The following NAP1L4 variants were observed in gnomAD, a reference collection of about 807,000 sequenced individuals.
NAP1L4 encodes nucleosome assembly protein 1-like 4.
NAP1L4 carries 15 observed loss-of-function variants against 58.2 expected under a neutral mutation model. The ratio of observed to expected loss-of-function variants is 0.26; its 90% CI spans 0.17 to 0.40. The LOEUF (loss-of-function observed/expected upper bound fraction) is 0.40, where lower values mean the gene tolerates loss of function less well. Ranked by LOEUF, NAP1L4 falls within the 10% of genes least tolerant of loss-of-function variation. NAP1L4 has a pLI of 1.00. For synonymous variants in NAP1L4, 171 were observed against 155.6 expected (o/e 1.10, Z -0.74); for missense variants, 384 against 451.1 (o/e 0.85, Z 1.35).
intron 6 of NAP1L4, 140 bp from the exon 7 acceptor site, chr11:2,970,074 C>T (rs1232617933): frequency 5.2e-6 from 4 of 763,974 alleles, no homozygotes; most frequent in Non-Finnish European, 5.9e-6. Context: ...CCAAACCACT[C>T]ACTGGGCCAC....
chr11:2,972,163 T>C lies in NAP1L4; in HGVS notation c.254A>G (p.Tyr85Cys), dbSNP rs1460199244. The C allele has an allele frequency of 6.2e-7, 1 of 1,607,982 alleles. No individual in the cohort carries two copies. The highest frequency in any genetic ancestry group is 8.5e-7 in the Non-Finnish European group (1 of 1,178,322). Residue 85 changes from tyrosine (Y) to cysteine (C), a missense_variant, in exon 5 of 16, where the codon TAT becomes TGT. Physicochemically the swap from Tyr to Cys is radical, Grantham distance 194 (BLOSUM62 -2). Coordinates refer to ENST00000380542, the MANE Select transcript of NAP1L4 (RefSeq NM_005969.4). The part of the protein sequence containing the change: ...VRCAHIEAKF[Y>C]EEVHDLERKY... The stretch of plus-strand genomic sequence containing the variant: ...TCTTTCCAAGTCATGTACCTCTTCA[T>C]AGAACTTGGCTTCTATGTGAGCACA...
intron 15 of NAP1L4, among the ~76,000 whole-genome samples, chr11:2,947,360 C>G (rs1273980628): frequency 6.6e-6 from 1 of 152,234 alleles, no homozygotes; most frequent in Non-Finnish European, 1.5e-5. Flanking sequence ...CCGCATAGAA[C>G]ACTCTCTCAA....
intron 1 of NAP1L4, chr11:2,990,854 G>A (rs1848919884): frequency 2.3e-5 from 7 of 308,008 alleles, no homozygotes; most frequent in South Asian, 1.6e-4. Flanking sequence ...GCAGGTATTA[G>A]TCATTTAGAG....
At chr11:2,988,689 C>A (rs1295262951) in intron 1 of NAP1L4, among the ~76,000 whole-genome samples, 1 of 152,172 alleles carries the variant, frequency 6.6e-6, no homozygotes, top group Non-Finnish European at 1.5e-5. Context: ...ACAGGCTTTT[C>A]CAGATAATGC....
chr11:2,969,783 C>T lies in NAP1L4; in HGVS notation c.534+20G>A, dbSNP rs1172436712. The T allele has an allele frequency of 1.9e-6, 3 of 1,600,088 alleles. No individual in the cohort carries two copies. Among genetic ancestry groups the T allele is most frequent in the African/African-American group, 1.3e-5 (1 of 74,288 alleles). ...AGAAGACTAGCACATAATCTCTCTA[C>T]AAGACAGAAGTGTGCTTACCTGGAC... On this transcript the variant is annotated intron_variant, in intron 7 of 15. Transcript: ENST00000380542.
chr11:2,956,326 G>T (rs909909318), intron 10 of NAP1L4, among the ~76,000 whole-genome samples: 2 of 152,128 alleles, frequency 1.3e-5, no homozygotes, highest in Non-Finnish European at 2.9e-5. Context: ...GCTCAGACGA[G>T]CTAAGCCCAC....
intron 3 of NAP1L4, among the ~76,000 whole-genome samples, chr11:2,978,009 G>GAA (rs1848068179): frequency 6.6e-6 from 1 of 151,930 alleles, no homozygotes; most frequent in South Asian, 2.1e-4. Context: ...TCAAAAATAA[G>GAA]AAAAAAGACT....
Position 2,973,711 on chromosome 11 carries a change from G to A in NAP1L4, c.174-1468C>T, listed in dbSNP as rs80035257. The stretch of plus-strand genomic sequence containing the variant: ...GATGAAAAAAAGGGAAAAGCAGAAA[G>A]AATTTAACAAAATGGTAGACTCCCA... On this transcript the variant is annotated intron_variant, in intron 4 of 15. Coordinates refer to ENST00000380542, the MANE Select transcript of NAP1L4 (RefSeq NM_005969.4). Among the ~76,000 whole-genome samples the A allele has an allele frequency of 4.4e-3, 669 of 152,246 alleles. 2 individuals are homozygous for A. The highest frequency in any genetic ancestry group is 0.015 in the African/African-American group (636 of 41,548).
Position 2,951,204 on chromosome 11 carries a change from A to C in NAP1L4, c.1122+55T>G. 7.2e-7 allele frequency: 1 copy of C among 1,392,600 alleles called. No individual in the cohort carries two copies. Among genetic ancestry groups the C allele is most frequent in the East Asian group, 2.3e-5 (1 of 43,498 alleles). 86.3% of individuals were successfully genotyped at this position (1,392,600 alleles called of 1,614,324 possible). ...TGCCTCAAAGTGGGGAACATTTTTAAAAGTCTAAGAGTGCAGCATAATAAG... is the reference window on the plus strand; with the variant it reads ...TGCCTCAAAGTGGGGAACATTTTTACAAGTCTAAGAGTGCAGCATAATAAG... On this transcript the variant is annotated intron_variant, in intron 14 of 15. Coordinates refer to ENST00000380542, the MANE Select transcript of NAP1L4 (RefSeq NM_005969.4). This position sits in a 1 kb window ranked among gnomAD's most constrained non-coding sequence, Gnocchi z 4.0.
At position 2,954,092 on chromosome 11, in the gene NAP1L4, T is replaced by C. The variant is rs1846387105; in HGVS notation, c.1035+435A>G. ...AGCACGGGTTTCTTTTTTTTCCTTT[T>C]TACCTAATTAGATAGAAGTTCAGGA... On this transcript the variant is annotated intron_variant, in intron 12 of 15. Coordinates refer to ENST00000380542, the MANE Select transcript of NAP1L4 (RefSeq NM_005969.4). This position sits in a 1 kb window ranked among gnomAD's most constrained non-coding sequence, Gnocchi z 4.8. Among the ~76,000 whole-genome samples, 1 of 152,196 alleles carries C rather than the reference T, an allele frequency of 6.6e-6. No individual in the cohort carries two copies. The highest frequency in any genetic ancestry group is 1.5e-5 in the Non-Finnish European group (1 of 68,036).
intron 3 of NAP1L4, 48 bp downstream of exon 3, chr11:2,978,236 G>T (rs1212546100): frequency 1.3e-6 from 2 of 1,562,372 alleles, no homozygotes; most frequent in African/African-American, 1.4e-5. Context: ...CCAGAGAGAG[G>T]AACGTTCCCC....
chr11:2,962,827 T>G (rs1210146730), intron 8 of NAP1L4, among the ~76,000 whole-genome samples: 1 of 150,426 alleles, frequency 6.6e-6, no homozygotes, highest in Non-Finnish European at 1.5e-5. Context: ...AGAGGCCGGG[T>G]GTGGTGGCTC....
At position 2,972,259 on chromosome 11, in the gene NAP1L4, A is replaced by T; in HGVS notation, c.174-16T>A. 1 of 1,590,822 alleles carries T rather than the reference A, an allele frequency of 6.3e-7. No homozygotes were observed. The highest frequency in any genetic ancestry group is 8.5e-7 in the Non-Finnish European group (1 of 1,173,008). ...TTTAGGTAAACTAAAAAAGGGAGTA[A>T]GAAATACAACATCCTCATGCCTGCA... is the stretch of plus-strand genomic sequence containing the variant. On this transcript the variant is annotated splice_polypyrimidine_tract_variant and intron_variant, in intron 4 of 15. Transcript: ENST00000380542.
chr11:2,975,925 A>G (rs1001514946), intron 4 of NAP1L4, 99 bp downstream of exon 4: 4 of 1,081,630 alleles, frequency 3.7e-6, no homozygotes, highest in Non-Finnish European at 5.3e-6. Flanking sequence ...GGAACGAAAA[A>G]AACATTTAAT....
At chr11:2,978,927 T>G (rs1035426997) in intron 2 of NAP1L4, among the ~76,000 whole-genome samples, 2 of 152,182 alleles carry the variant, frequency 1.3e-5, no homozygotes, top group African/African-American at 4.8e-5. Flanking sequence ...TACAGACTGT[T>G]AGGAGAGTGT....
intron 4 of NAP1L4, among the ~76,000 whole-genome samples, chr11:2,974,193 C>A (rs1432792446): frequency 6.6e-6 from 1 of 152,082 alleles, no homozygotes; most frequent in East Asian, 1.9e-4. Context: ...AGGTTTGTTA[C>A]ATACGTATGC....
intron 7 of NAP1L4, among the ~76,000 whole-genome samples, chr11:2,967,472 G>A (rs573617963): frequency 4.4e-4 from 67 of 152,122 alleles, no homozygotes; most frequent in African/African-American, 1.5e-3. Flanking sequence ...TTAGCCAGGC[G>A]TGGTGGCGGA....
intron 8 of NAP1L4, among the ~76,000 whole-genome samples, chr11:2,964,195 C>T (rs978593266): frequency 6.6e-6 from 1 of 152,090 alleles, no homozygotes; most frequent in Non-Finnish European, 1.5e-5. Context: ...GTGTACATAG[C>T]TCCCATCTTT....
chr11:2,953,145 T>C (rs933523870), intron 12 of NAP1L4, among the ~76,000 whole-genome samples: 3 of 152,232 alleles, frequency 2.0e-5, no homozygotes, highest in Admixed American at 2.0e-4. Flanking sequence ...CTGGCACTTC[T>C]AGCCTCTAAC....
Sources: gnomAD v4.1 joint callset for allele counts (sites outside exome capture counted in the v4.1 genomes callset) on GRCh38, gnomAD v4.1.1 for gene constraint, Gnocchi (gnomAD v3.1) non-coding constraint, MANE v1.5 for transcripts, NCBI Gene and HGNC (gene_info 2026-07-23, HGNC 2026-07-21) for gene names.